LOXHD1: variants seen among roughly 807,000 people sequenced by gnomAD.
LOXHD1 encodes the protein lipoxygenase homology PLAT domains 1, also known as lipoxygenase homology domain-containing protein 1.
In LOXHD1, 205 loss-of-function variants were observed where a neutral mutation model predicts 248.2. The ratio of observed to expected loss-of-function variants is 0.83; its 90% CI spans 0.74 to 0.93. The LOEUF is 0.93. Among genes scored for constraint, LOXHD1 ranks in the 40% least tolerant of loss-of-function variants. The pLI, the probability that LOXHD1 is intolerant of heterozygous loss-of-function variation, is 0.00. For synonymous variants in LOXHD1, 1,113 were observed against 1,162.8 expected, an observed-to-expected ratio of 0.96 and a Z score of 0.87; for missense variants, 2,930 against 2,971.6, an observed-to-expected ratio of 0.99 and a Z score of 0.33.
intron 13 of LOXHD1, 106 bp downstream of exon 13, chr18:46,579,524 C>A (rs1356399184): frequency 1.5e-5 from 22 of 1,447,708 alleles, no homozygotes; most frequent in Admixed American, 2.0e-5. Context: ...ATGGCTGAGG[C>A]CCCAGGACCA....
intron 37 of LOXHD1, among the ~76,000 whole-genome samples, chr18:46,491,448 G>A (rs1390148428): frequency 1.3e-5 from 2 of 152,214 alleles, no homozygotes; most frequent in Admixed American, 6.5e-5. Flanking sequence ...CGAGGTCAAC[G>A]CTGCTGGTCC....
Position 46,624,414 on chromosome 18 carries a change from G to T in LOXHD1, c.512-6124C>A, listed in dbSNP as rs553733788. Among the ~76,000 whole-genome samples, 19 of 152,326 alleles carry T rather than the reference G, an allele frequency of 1.2e-4. No homozygotes were observed. In the South Asian group the frequency reaches 3.9e-3, roughly 32 times the overall value. Reference sequence around the variant, plus strand: ...TCAAGCCCACACAGATGTGGGGAGGGGTTGGTCCGCAGAACCCAAGGATGG... The same window carrying T: ...TCAAGCCCACACAGATGTGGGGAGGTGTTGGTCCGCAGAACCCAAGGATGG... On this transcript the variant is annotated intron_variant, in intron 4 of 40. Coordinates refer to ENST00000642948, the MANE Select transcript of LOXHD1 (RefSeq NM_001384474.1).
At chr18:46,583,589 A>G (rs905948266) in intron 12 of LOXHD1, among the ~76,000 whole-genome samples, 1 of 152,122 alleles carries the variant, frequency 6.6e-6, no homozygotes, top group Non-Finnish European at 1.5e-5. Flanking sequence ...TGAAAAAAAA[A>G]GTTCAACATC....
intron 14 of LOXHD1, among the ~76,000 whole-genome samples, chr18:46,573,376 G>A (rs111331364): frequency 0.073 from 11,133 of 152,272 alleles, 433 homozygotes; most frequent in African/African-American, 0.1. Context: ...GCAAGCATGA[G>A]TTTTCTAAGC....
chr18:46,636,620 A>G (rs570248676), intron 4 of LOXHD1, among the ~76,000 whole-genome samples: 2 of 152,276 alleles, frequency 1.3e-5, no homozygotes, highest in African/African-American at 4.8e-5. Flanking sequence ...CAGGCTCCCT[A>G]ACAGTCTGTC....
At position 46,542,596 on chromosome 18, in the gene LOXHD1, G is replaced by T. The variant is rs996270069; in HGVS notation, c.3748+131C>A. The T allele has an allele frequency of 1.2e-5, 14 of 1,137,952 alleles. No homozygotes were observed. In the African/African-American group the frequency reaches 1.9e-4, roughly 15 times the overall value. 70.5% of individuals were successfully genotyped at this position (1,137,952 alleles called of 1,614,324 possible). On this transcript the variant is annotated intron_variant, in intron 24 of 40. Transcript: ENST00000642948. ...CTCTCTCGGCTCTACTGGGCTAAAG[G>T]GATTAAGGAAGCTGTGTCATTACAG...
At chr18:46,622,368 C>T (rs1158293850) in intron 4 of LOXHD1, among the ~76,000 whole-genome samples, 1 of 152,000 alleles carries the variant, frequency 6.6e-6, no homozygotes, top group East Asian at 1.9e-4. Context: ...TTTATGTGTC[C>T]CAAAATATTA....
chr18:46,578,500 C>T (rs138345592), intron 13 of LOXHD1, among the ~76,000 whole-genome samples: 102 of 152,252 alleles, frequency 6.7e-4, no homozygotes, highest in Non-Finnish European at 8.8e-4. Flanking sequence ...ATCGCTACCT[C>T]CTCTCCTCAA....
chr18:46,510,151 G>A (rs771874146), intron 34 of LOXHD1, among the ~76,000 whole-genome samples: 3 of 152,190 alleles, frequency 2.0e-5, no homozygotes, highest in Non-Finnish European at 4.4e-5. Context: ...CACTAGCCCT[G>A]CAATCTCACA....
chr18:46,563,303 C>T (rs2037568608), intron 17 of LOXHD1, 78 bp from the exon 18 acceptor site: 8 of 1,363,384 alleles, frequency 5.9e-6, no homozygotes, highest in Non-Finnish European at 7.7e-6. Flanking sequence ...ACAAACCTTT[C>T]CTGAGCCTGT....
chr18:46,510,860 T>C (rs888137102), intron 34 of LOXHD1, among the ~76,000 whole-genome samples: 2 of 152,150 alleles, frequency 1.3e-5, no homozygotes, highest in African/African-American at 2.4e-5. Context: ...CCTCCTCTAA[T>C]TGAAGCCCCA....
chr18:46,493,908 A>T (rs1032700104), intron 37 of LOXHD1, among the ~76,000 whole-genome samples: 14 of 152,068 alleles, frequency 9.2e-5, no homozygotes, highest in Admixed American at 3.3e-4. Context: ...CTTATCTCTC[A>T]CCTCAATAAG....
rs568394429 is a variant in LOXHD1, at chr18:46,566,356, G to T, written c.2338C>A (p.Gln780Lys). ...CAGCGGTTGGCGGGAAAGGTGTACT[G>T]CTTGCCTTGACGGGGCACACGGATC... ...VQIRVPRQGK[Q>K]YTFPANRWLD... Residue 780 changes from glutamine to lysine, a missense_variant, in exon 17 of 41, where the codon CAG (glutamine) becomes AAG (lysine). Transcript: ENST00000642948. 1.3e-6 allele frequency: 2 copies of T among 1,551,672 alleles called. No individual in the cohort carries two copies. Among genetic ancestry groups the T allele is most frequent in the Non-Finnish European group, 8.7e-7 (1 of 1,147,036 alleles).
At chr18:46,531,051 C>T (rs1441021979) in intron 28 of LOXHD1, among the ~76,000 whole-genome samples, 2 of 152,062 alleles carry the variant, frequency 1.3e-5, no homozygotes, top group Non-Finnish European at 2.9e-5. Context: ...TAAACTCTAC[C>T]CTCTCCTGCA....
intron 40 of LOXHD1, among the ~76,000 whole-genome samples, chr18:46,482,270 G>C (rs1407769636): frequency 1.3e-5 from 2 of 152,200 alleles, no homozygotes; most frequent in East Asian, 3.8e-4. Context: ...CCAATGCCAT[G>C]GTATTTGGAG....
chr18:46,542,187 G>A (rs1221104779), intron 24 of LOXHD1, among the ~76,000 whole-genome samples: 5 of 152,228 alleles, frequency 3.3e-5, no homozygotes, highest in Non-Finnish European at 7.3e-5. Context: ...AATAGGAGAT[G>A]ACAGGAGAGT....
At chr18:46,656,170 A>G (rs1419115210) in intron 1 of LOXHD1, among the ~76,000 whole-genome samples, 3 of 152,198 alleles carry the variant, frequency 2.0e-5, no homozygotes, top group African/African-American at 7.2e-5. Context: ...GTATGAGATG[A>G]CAGGGAGTGG....
intron 5 of LOXHD1, among the ~76,000 whole-genome samples, chr18:46,611,315 T>A (rs899630765): frequency 5.9e-5 from 9 of 152,232 alleles, no homozygotes; most frequent in Admixed American, 3.3e-4. Context: ...ACCTGACTCC[T>A]TTTCTGGAAA....
In LOXHD1 at chr18:46,569,574, G is replaced by T. The variant is rs1017933129; in HGVS notation, c.2112C>A (p.Val704=). The part of the protein sequence containing the change: ...DVSGASTDSR[V]YIKLYGDKSD... ...ATTTATCCCCATAGAGCTTGATGTAGACTCTAGAATCCGTGCTGGCCCCAG... is the reference window on the plus strand; with the variant it reads ...ATTTATCCCCATAGAGCTTGATGTATACTCTAGAATCCGTGCTGGCCCCAG... Residue 704 remains valine (V), a synonymous_variant, in exon 16 of 41, where the codon GTC becomes GTA. Coordinates refer to ENST00000642948, the MANE Select transcript of LOXHD1 (RefSeq NM_001384474.1). 15 of 1,551,680 alleles carry T rather than the reference G, an allele frequency of 9.7e-6. No homozygotes were observed. The highest frequency in any genetic ancestry group is 1.2e-5 in the Non-Finnish European group (14 of 1,147,016).
Sources: allele counts gnomAD v4.1 joint callset (sites outside exome capture counted in the v4.1 genomes callset), GRCh38; gene constraint gnomAD v4.1.1; transcripts MANE v1.5; gene names NCBI Gene and HGNC (gene_info 2026-07-23, HGNC 2026-07-21).